NEBL: variants seen among roughly 807,000 people sequenced by gnomAD.
The protein encoded by NEBL is nebulette.
Under a neutral mutation model 140.2 loss-of-function variants are expected in NEBL, and 122 were observed. The ratio of observed to expected loss-of-function variants is 0.87; its 90% CI spans 0.75 to 1.01. NEBL has a LOEUF of 1.01. Ranked by LOEUF, NEBL falls within the 50% of genes least tolerant of loss-of-function variation. NEBL has a pLI of 0.00. For synonymous variants in NEBL, 436 were observed against 398.9 expected, an observed-to-expected ratio of 1.09 and a Z score of -1.11; for missense variants, 1,365 against 1,231.3, an observed-to-expected ratio of 1.11 and a Z score of -1.62.
intron 3 of NEBL, among the ~76,000 whole-genome samples, chr10:21,184,778 A>G (rs567536821): frequency 6.6e-6 from 1 of 152,370 alleles, no homozygotes; most frequent in East Asian, 1.9e-4. Context: ...TACTTTGTTA[A>G]GCGAAAAAGG....
At chr10:21,082,444 G>A (rs1281056807) in intron 2 of NEBL, among the ~76,000 whole-genome samples, 1 of 150,302 alleles carries the variant, frequency 6.7e-6, no homozygotes, top group Non-Finnish European at 1.5e-5. Context: ...CATCATTCTG[G>A]CAACTTACTT....
At chr10:20,820,669 T>C (rs1178476994) in intron 19 of NEBL, among the ~76,000 whole-genome samples, 2 of 151,880 alleles carry the variant, frequency 1.3e-5, no homozygotes, top group African/African-American at 2.4e-5. Context: ...CTACTAAATA[T>C]ACAAAATGAG....
intron 3 of NEBL, among the ~76,000 whole-genome samples, chr10:21,238,239 C>A (rs930541599): frequency 2.0e-5 from 3 of 152,132 alleles, no homozygotes. Flanking sequence ...ACACATTTTC[C>A]GTAAAGTGAG....
intron 3 of NEBL, among the ~76,000 whole-genome samples, chr10:21,205,645 C>T (rs563050851): frequency 6.6e-6 from 1 of 152,022 alleles, no homozygotes; most frequent in South Asian, 2.1e-4. Flanking sequence ...GAAAAAAACA[C>T]AATTACTTTG....
At chr10:21,214,640 A>G (rs916137626) in intron 3 of NEBL, among the ~76,000 whole-genome samples, 4 of 152,108 alleles carry the variant, frequency 2.6e-5, no homozygotes, top group Admixed American at 2.6e-4. Flanking sequence ...CATTACACAC[A>G]CATGCACACA....
intron 11 of NEBL, among the ~76,000 whole-genome samples, chr10:20,845,933 T>G (rs1841895218): frequency 6.6e-6 from 1 of 152,162 alleles, no homozygotes; most frequent in Non-Finnish European, 1.5e-5. Flanking sequence ...CTATGGTGTT[T>G]GATATGAATG....
At position 21,081,590 on chromosome 10, in the gene NEBL, A is replaced by G. The variant is rs373220310; in HGVS notation, c.165-61389T>C. Among the ~76,000 whole-genome samples, 34 of 152,330 alleles carry G rather than the reference A, an allele frequency of 2.2e-4. 3 individuals are homozygous for G. The highest frequency in any genetic ancestry group is 7.5e-4 in the African/African-American group (31 of 41,578). ...TGTCCACTGAGAAGGTCCAGGAGCA[A>G]TGACACTCCAATAGCAACAAGCATA... On this transcript the variant is annotated intron_variant, in intron 2 of 6. Coordinates refer to the NEBL transcript ENST00000417816.
At chr10:21,257,656 C>A (rs987873574) in intron 1 of NEBL, among the ~76,000 whole-genome samples, 2 of 152,058 alleles carry the variant, frequency 1.3e-5, no homozygotes, top group Non-Finnish European at 2.9e-5. Flanking sequence ...GAGGCCGAGG[C>A]GGGCGGATCA....
intron 1 of NEBL, among the ~76,000 whole-genome samples, chr10:21,263,500 C>T (rs1421905512): frequency 6.6e-6 from 1 of 152,140 alleles, no homozygotes; most frequent in African/African-American, 2.4e-5. Context: ...TGTCCGTGAC[C>T]AGGTCACAGT....
At chr10:21,226,238 G>A (rs904881853) in intron 3 of NEBL, among the ~76,000 whole-genome samples, 1 of 151,780 alleles carries the variant, frequency 6.6e-6, no homozygotes, top group Non-Finnish European at 1.5e-5. Context: ...TCCTACTGTG[G>A]CTGAGCTGGT....
In NEBL at chr10:20,785,488, A is replaced by C. The variant is rs1447995816; in HGVS notation, c.*259T>G. On this transcript the variant is annotated 3_prime_UTR_variant, in exon 28 of 28. Coordinates refer to ENST00000377122, the MANE Select transcript of NEBL (RefSeq NM_006393.3). ...CATTTCCCAGAAGGGTTCAATAGCC[A>C]ATCAAAGGAAACCATGAACACAATT... 5.8e-6 allele frequency: 3 copies of C among 516,392 alleles called. No homozygotes were observed. The highest frequency in any genetic ancestry group is 1.0e-5 in the Non-Finnish European group (3 of 286,436). 32.0% of individuals were successfully genotyped at this position (516,392 alleles called of 1,614,324 possible). A position where few individuals can be genotyped will look rare whatever the true frequency, so the allele number is the denominator to read the frequency against.
chr10:20,907,737 T>C (rs2131452467), intron 4 of NEBL, among the ~76,000 whole-genome samples: 1 of 152,278 alleles, frequency 6.6e-6, no homozygotes, highest in Non-Finnish European at 1.5e-5. Context: ...TTTTCAAGTG[T>C]TCAACAGAAA....
intron 11 of NEBL, among the ~76,000 whole-genome samples, chr10:20,846,320 A>C (rs1210808635): frequency 6.6e-6 from 1 of 152,198 alleles, no homozygotes; most frequent in African/African-American, 2.4e-5. Context: ...TGAAATTGTT[A>C]TTCAGGCAAA....
intron 4 of NEBL, among the ~76,000 whole-genome samples, chr10:20,884,520 G>A (rs1397048200): frequency 6.6e-6 from 1 of 152,206 alleles, no homozygotes; most frequent in Non-Finnish European, 1.5e-5. Context: ...CTTTGCCTCT[G>A]AAAAGTATGA....
Position 20,840,845 on chromosome 10 carries a change from T to G in NEBL, c.1232A>C (p.Glu411Ala), listed in dbSNP as rs753584108. ...KYITNLLREK[E>A]YKKDLENEIK... ...CTCATTTTCCAAATCTTTTTTATATTCTTTCTATGAGACAAGAATATCACA... is the reference window on the plus strand; with the variant it reads ...CTCATTTTCCAAATCTTTTTTATATGCTTTCTATGAGACAAGAATATCACA... The change falls in exon 13 of 28, where the codon GAA becomes GCA. Residue 411 changes from glutamate (E) to alanine (A), a missense_variant. This residue lies in a region of NEBL where 1,323 missense variants were observed against 1,154.8 expected (regional missense o/e 1.15). Transcript: ENST00000377122. 14 of 1,538,746 alleles carry G rather than the reference T, an allele frequency of 9.1e-6. No homozygotes were observed. Among genetic ancestry groups the G allele is most frequent in the Non-Finnish European group, 1.3e-5 (14 of 1,114,656 alleles).
intron 4 of NEBL, among the ~76,000 whole-genome samples, chr10:20,929,588 A>G (rs1564447781): frequency 6.6e-6 from 1 of 152,176 alleles, no homozygotes; most frequent in Non-Finnish European, 1.5e-5. Flanking sequence ...AAAGAATAAA[A>G]TCATATCTCT....
At chr10:21,256,270 G>T (rs545754032) in intron 1 of NEBL, among the ~76,000 whole-genome samples, 2 of 152,130 alleles carry the variant, frequency 1.3e-5, no homozygotes, top group African/African-American at 4.8e-5. Flanking sequence ...GTGTCACCTT[G>T]TTGGCCAGGC....
chr10:21,184,080 C>T (rs947613249), intron 3 of NEBL, among the ~76,000 whole-genome samples: 4 of 152,172 alleles, frequency 2.6e-5, no homozygotes, highest in Admixed American at 1.3e-4. Flanking sequence ...TTAGGTATGT[C>T]TTCATCAGTG....
intron 1 of NEBL, among the ~76,000 whole-genome samples, chr10:21,265,201 G>A (rs1240839276): frequency 1.3e-5 from 2 of 152,110 alleles, no homozygotes; most frequent in Non-Finnish European, 2.9e-5. Context: ...GGGATTACAG[G>A]TGTGAGCCAC....
Sources: allele counts gnomAD v4.1 joint callset (sites outside exome capture counted in the v4.1 genomes callset), GRCh38; gene constraint gnomAD v4.1.1; regional missense constraint gnomAD v4.1.1; transcripts MANE v1.5; gene names NCBI Gene and HGNC (gene_info 2026-07-23, HGNC 2026-07-21).